ARHGEF12: variants seen among roughly 807,000 people sequenced by gnomAD.
ARHGEF12 encodes the protein KMT2A/ARHGEF12 fusion protein.
ARHGEF12 carries 66 observed loss-of-function variants against 211.2 expected under a neutral mutation model. That is an observed-to-expected ratio of 0.31 (90% CI 0.26 to 0.38). ARHGEF12 has a LOEUF of 0.38. ARHGEF12 is among the 10% of genes least tolerant of loss of function. ARHGEF12 has a pLI of 1.00. For synonymous variants in ARHGEF12, 592 were observed against 638.4 expected (o/e 0.93, Z 1.09); for missense variants, 1,429 against 1,869.5 (o/e 0.76, Z 4.34).
intron 31 of ARHGEF12, 88 bp downstream of exon 31, chr11:120,473,215 G>A (rs943217707): frequency 1.3e-4 from 150 of 1,146,552 alleles, no homozygotes; most frequent in Non-Finnish European, 1.8e-4. Context: ...GGGAATATAC[G>A]TCACCTGAAG....
At position 120,429,824 on chromosome 11, in the gene ARHGEF12, C is replaced by G. The variant is rs371952842; in HGVS notation, c.776C>G (p.Ser259Cys). ...GAGCAGTTATCCAAAGCCACAGGCT[C>G]TGCTCAGGTAGCATCACTATTACAA... ...LQEQLSKATG[S>C]AQDGAVVTPS... Residue 259 changes from serine to cysteine, a missense_variant, in exon 10 of 41, where the codon TCT (serine) becomes TGT (cysteine). Around this residue, in one of 7 missense-constraint regions of ARHGEF12, gnomAD observed 254 missense variants for 286.4 expected, o/e 0.89. Transcript: ENST00000397843. The G allele has an allele frequency of 6.2e-7, 1 of 1,612,902 alleles. No homozygotes were observed. The highest frequency in any genetic ancestry group is 8.5e-7 in the Non-Finnish European group (1 of 1,179,610).
rs750167881 is a variant in ARHGEF12, at chr11:120,473,087, G to A, written c.2993G>A (p.Ser998Asn). 1 of 1,613,690 alleles carries A rather than the reference G, an allele frequency of 6.2e-7. No homozygotes were observed. Among genetic ancestry groups the A allele is most frequent in the Non-Finnish European group, 8.5e-7 (1 of 1,179,788 alleles). ...EDYQRRLDTS[S>N]LKLSEYPNVE... ...TATCAGCGTCGCCTTGATACCTCCA[G>A]CCTGAAGTTGTCAGAGTACCCAAAT... The change falls in exon 31 of 41, where the codon AGC becomes AAC. Residue 998 changes from serine to asparagine, a missense_variant. By Grantham distance (46) the Ser-to-Asn change is conservative. This residue lies in a region of ARHGEF12 where 223 missense variants were observed against 444.6 expected (regional missense o/e 0.50). Transcript: ENST00000397843.
At chr11:120,460,163 C>A (rs1946486660) in intron 26 of ARHGEF12, among the ~76,000 whole-genome samples, 1 of 152,104 alleles carries the variant, frequency 6.6e-6, no homozygotes, top group Non-Finnish European at 1.5e-5. Flanking sequence ...TTCTCTATGA[C>A]CCTTAATTTT....
chr11:120,391,980 A>G (rs1025393933), intron 1 of ARHGEF12, among the ~76,000 whole-genome samples: 1 of 152,196 alleles, frequency 6.6e-6, no homozygotes, highest in Non-Finnish European at 1.5e-5. Context: ...TTAGTGTTCA[A>G]ATTAGATCAT....
At chr11:120,344,691 G>T (rs1223437281) in intron 1 of ARHGEF12, among the ~76,000 whole-genome samples, 2 of 152,210 alleles carry the variant, frequency 1.3e-5, no homozygotes, top group Non-Finnish European at 2.9e-5. Context: ...TGGCAGGATA[G>T]ATGGTTATAA....
intron 1 of ARHGEF12, among the ~76,000 whole-genome samples, chr11:120,384,708 A>T (rs1378927895): frequency 1.3e-5 from 2 of 152,134 alleles, no homozygotes; most frequent in Admixed American, 1.3e-4. Flanking sequence ...ACACAAACAG[A>T]CAGAGTAGCA....
chr11:120,438,938 A>C (rs1281485620), intron 12 of ARHGEF12: 1 of 152,182 alleles, frequency 6.6e-6, no homozygotes, highest in Non-Finnish European at 1.5e-5. Context: ...CTGTAACCTC[A>C]AACTCCTGGG....
chr11:120,485,063 T>C lies in ARHGEF12; in HGVS notation c.4625-4T>C. ...TCATTTCCATGTATCTTTATTCTTC[T>C]CAGATAAAAGTTAGAGCCGCATGTC... On this transcript the variant is annotated splice_region_variant and splice_polypyrimidine_tract_variant and intron_variant, in intron 40 of 40. Coordinates refer to ENST00000397843, the MANE Select transcript of ARHGEF12 (RefSeq NM_015313.3). 1.2e-6 allele frequency: 2 copies of C among 1,613,390 alleles called. No homozygotes were observed. Among genetic ancestry groups the C allele is most frequent in the Non-Finnish European group, 1.7e-6 (2 of 1,179,520 alleles).
chr11:120,366,911 G>T (rs1203630609), intron 1 of ARHGEF12, among the ~76,000 whole-genome samples: 3 of 152,166 alleles, frequency 2.0e-5, no homozygotes, highest in Non-Finnish European at 4.4e-5. Context: ...AGCTACTTGG[G>T]AGGCTGAGGC....
In ARHGEF12 at chr11:120,407,873, G is replaced by C. The variant is rs185046639; in HGVS notation, c.142+50G>C. 22 of 1,510,334 alleles carry C rather than the reference G, an allele frequency of 1.5e-5. No individual in the cohort carries two copies. In the East Asian group the frequency reaches 4.1e-4, roughly 28 times the overall value. 93.6% of individuals were successfully genotyped at this position (1,510,334 alleles called of 1,614,324 possible). ...AGAGTATTGAGAGTAGTGAAGTTCAGAATAATAGAGCTTAAGCTACCCGAA... is the reference window on the plus strand; with the variant it reads ...AGAGTATTGAGAGTAGTGAAGTTCACAATAATAGAGCTTAAGCTACCCGAA... On this transcript the variant is annotated intron_variant, in intron 3 of 40. Transcript: ENST00000397843.
intron 15 of ARHGEF12, among the ~76,000 whole-genome samples, chr11:120,443,740 C>T (rs1440789889): frequency 6.6e-6 from 1 of 151,982 alleles, no homozygotes; most frequent in Non-Finnish European, 1.5e-5. Flanking sequence ...GCAGCTTCCA[C>T]GAATTCAACT....
chr11:120,446,628 A>G (rs1946055775), intron 17 of ARHGEF12, 120 bp downstream of exon 17: 4 of 764,428 alleles, frequency 5.2e-6, no homozygotes, highest in Non-Finnish European at 8.2e-6. Flanking sequence ...TCTTATTGTT[A>G]TTAAAACATA....
At position 120,398,189 on chromosome 11, in the gene ARHGEF12, T is replaced by C. The variant is rs79732346; in HGVS notation, c.33-7929T>C. Among the ~76,000 whole-genome samples the C allele has an allele frequency of 2.0e-3, 308 of 152,304 alleles. 1 individual carries two copies. The highest frequency in any genetic ancestry group is 6.9e-3 in the African/African-American group (288 of 41,570). On this transcript the variant is annotated intron_variant, in intron 1 of 40. Transcript: ENST00000397843. ...TTAGTAACAGATTTACTAGTGTCAG[T>C]GGTCTTGTGTGTTAAGTATATTAGG... is the stretch of plus-strand genomic sequence containing the variant.
rs141499173 is a variant in ARHGEF12 at position 120,436,878 on chromosome 11, A to G, written c.925-430A>G. Among the ~76,000 whole-genome samples, 207 of 152,302 alleles carry G rather than the reference A, an allele frequency of 1.4e-3. 1 individual carries two copies. Among genetic ancestry groups the G allele is most frequent in the Admixed American group, 6.0e-3 (92 of 15,292 alleles). ...TGTATTAAAATCCACCTTTCACATG[A>G]AGCGAGTAACAGAATAGTAGAAGCT... is the stretch of plus-strand genomic sequence containing the variant. On this transcript the variant is annotated intron_variant, in intron 11 of 40. Transcript: ENST00000397843.
rs776811192 is a variant in ARHGEF12 at position 120,480,440 on chromosome 11, T to G, written c.4237+10T>G. ...AATTTACGCATCTCAGGCAAGTATC[T>G]TTCACACTTAAACTTTGATTTTGAT... On this transcript the variant is annotated intron_variant, in intron 38 of 40. Coordinates refer to ENST00000397843, the MANE Select transcript of ARHGEF12 (RefSeq NM_015313.3). 4 of 1,594,002 alleles carry G rather than the reference T, an allele frequency of 2.5e-6. No individual in the cohort carries two copies. Among genetic ancestry groups the G allele is most frequent in the Non-Finnish European group, 3.4e-6 (4 of 1,170,158 alleles).
intron 32 of ARHGEF12, 24 bp downstream of exon 32, chr11:120,474,659 T>C (rs1173443224): frequency 1.3e-6 from 2 of 1,576,724 alleles, no homozygotes; most frequent in African/African-American, 1.4e-5. Flanking sequence ...TGTCTTTTAG[T>C]TTTGGGGAGA....
chr11:120,388,278 T>C (rs1194846250), intron 1 of ARHGEF12, among the ~76,000 whole-genome samples: 2 of 152,240 alleles, frequency 1.3e-5, no homozygotes, highest in African/African-American at 4.8e-5. Flanking sequence ...TTTTGAGATT[T>C]GTCTGTATTC....
intron 15 of ARHGEF12, among the ~76,000 whole-genome samples, chr11:120,443,237 C>G (rs1314987824): frequency 6.6e-6 from 1 of 152,018 alleles, no homozygotes. Context: ...CCAGGCTGGT[C>G]TTGAACTCCT....
intron 1 of ARHGEF12, among the ~76,000 whole-genome samples, chr11:120,384,035 G>T (rs1943955948): frequency 6.6e-6 from 1 of 152,132 alleles, no homozygotes; most frequent in Admixed American, 6.5e-5. Flanking sequence ...GGATACTTGG[G>T]CTGGTCAGAA....
Sources: allele counts gnomAD v4.1 joint callset (sites outside exome capture counted in the v4.1 genomes callset), GRCh38; gene constraint gnomAD v4.1.1; regional missense constraint gnomAD v4.1.1; transcripts MANE v1.5; gene names NCBI Gene and HGNC (gene_info 2026-07-23, HGNC 2026-07-21).